Variants in SNTB1 observed in about 807,000 individuals in gnomAD.
SNTB1 encodes the protein beta-1-syntrophin.
In SNTB1, 36 loss-of-function variants were observed where a neutral mutation model predicts 48.9. The observed-to-expected ratio is 0.74, with a 90% CI of 0.56 to 0.97. SNTB1 has a LOEUF of 0.97. Among genes scored for constraint, SNTB1 ranks in the 50% least tolerant of loss-of-function variants. The pLI is 0.00. For synonymous variants in SNTB1, 299 were observed against 294.6 expected (o/e 1.01, Z -0.15); for missense variants, 786 against 703.4 (o/e 1.12, Z -1.33).
At chr8:120,730,154 A>C (rs1034157950) in intron 1 of SNTB1, among the ~76,000 whole-genome samples, 1 of 151,968 alleles carries the variant, frequency 6.6e-6, no homozygotes, top group Admixed American at 6.6e-5. Context: ...TTTATTTTTT[A>C]TTTTTATTAT....
intron 3 of SNTB1, 94 bp from the exon 4 acceptor site, chr8:120,575,319 C>A (rs1181578938): frequency 7.2e-7 from 1 of 1,396,916 alleles, no homozygotes. Context: ...CTCAGCAATA[C>A]ATTGAGTGTC....
intron 4 of SNTB1, among the ~76,000 whole-genome samples, chr8:120,561,319 C>CAAAAAAAA (rs1221884195): frequency 0.032 from 1,377 of 43,580 alleles, no homozygotes; most frequent in East Asian, 0.054. Flanking sequence ...AACTCCATCT[C>CAAAAAAAA]AAAAAAAAAA....
chr8:120,778,608 A>G (rs1412054006), intron 1 of SNTB1, among the ~76,000 whole-genome samples: 2 of 152,246 alleles, frequency 1.3e-5, no homozygotes, highest in Non-Finnish European at 2.9e-5. Flanking sequence ...TATGACTGAA[A>G]GAAATTAGTG....
Position 120,693,743 on chromosome 8 carries a change from AG to A in SNTB1, c.736del (p.Leu246SerfsTer31), listed in dbSNP as rs763358257. On this transcript the variant is annotated frameshift_variant, in exon 2 of 7. Coordinates refer to ENST00000517992, the MANE Select transcript of SNTB1 (RefSeq NM_021021.4). LOFTEE classifies it high-confidence loss of function. ...ACTCCGAGTGACGTAGCACATTTTG[AG>A]GGGGATGCTTTTCCGGTCTCTGTGG... ...SFHRDRKSIPLKMCYVTRSMA... is the reference protein window; with the variant it reads ...SFHRDRKSIPXKMCYVTRSMA... 1.7e-5 allele frequency: 27 copies of A among 1,613,472 alleles called. No homozygotes were observed. The highest frequency in any genetic ancestry group is 2.3e-5 in the Non-Finnish European group (27 of 1,179,898).
chr8:120,743,554 T>A (rs894340154), intron 1 of SNTB1, among the ~76,000 whole-genome samples: 2 of 152,288 alleles, frequency 1.3e-5, no homozygotes, highest in African/African-American at 4.8e-5. Context: ...CTAATGGAGT[T>A]TGATTTGCAG....
intron 2 of SNTB1, among the ~76,000 whole-genome samples, chr8:120,654,571 C>G (rs1817468556): frequency 6.6e-6 from 1 of 152,122 alleles, no homozygotes; most frequent in South Asian, 2.1e-4. Context: ...ACAGCCCATC[C>G]CAACCCCAAG....
intron 1 of SNTB1, among the ~76,000 whole-genome samples, chr8:120,702,368 T>C (rs1818321666): frequency 6.6e-6 from 1 of 152,236 alleles, no homozygotes; most frequent in East Asian, 1.9e-4. Context: ...TGACTTGTTC[T>C]GCACAGTTCA....
At chr8:120,711,384 A>G (rs994138640) in intron 1 of SNTB1, among the ~76,000 whole-genome samples, 3 of 152,174 alleles carry the variant, frequency 2.0e-5, no homozygotes, top group African/African-American at 7.2e-5. Context: ...AGTATACTCC[A>G]CATTTCAAGG....
intron 1 of SNTB1, among the ~76,000 whole-genome samples, chr8:120,722,385 C>T (rs1001075743): frequency 2.0e-5 from 3 of 152,196 alleles, no homozygotes; most frequent in African/African-American, 7.2e-5. Context: ...GTTCCTATTT[C>T]TCCACATCCT....
chr8:120,710,579 C>T (rs1239841153), intron 1 of SNTB1, among the ~76,000 whole-genome samples: 5 of 152,172 alleles, frequency 3.3e-5, no homozygotes, highest in African/African-American at 7.2e-5. Context: ...GATTAGGTCA[C>T]GAGGGTTCTG....
intron 1 of SNTB1, among the ~76,000 whole-genome samples, chr8:120,777,204 T>C (rs1016687238): frequency 3.3e-5 from 5 of 152,172 alleles, no homozygotes; most frequent in Non-Finnish European, 7.3e-5. Context: ...GTTAAACAAA[T>C]CCTTACACCA....
chr8:120,721,596 A>ATAAATATAC (rs1199875665), intron 1 of SNTB1, among the ~76,000 whole-genome samples: 38 of 152,226 alleles, frequency 2.5e-4, no homozygotes, highest in Non-Finnish European at 3.2e-4. Context: ...TGTACTTACA[A>ATAAATATAC]AATAAATTCA....
chr8:120,555,163 C>G (rs1403056309), intron 4 of SNTB1, among the ~76,000 whole-genome samples: 1 of 152,110 alleles, frequency 6.6e-6, no homozygotes, highest in Non-Finnish European at 1.5e-5. Flanking sequence ...CCAGGAATAT[C>G]CGGGGTTGTC....
intron 1 of SNTB1, among the ~76,000 whole-genome samples, chr8:120,756,699 A>G (rs1801908070): frequency 6.6e-6 from 1 of 152,112 alleles, no homozygotes. Context: ...CTAATAGCTG[A>G]CCTGGATGGA....
At chr8:120,546,196 G>T (rs1233931266) in intron 5 of SNTB1, among the ~76,000 whole-genome samples, 4 of 152,174 alleles carry the variant, frequency 2.6e-5, no homozygotes, top group Non-Finnish European at 5.9e-5. Context: ...TTTGTTGAGG[G>T]TACTAGCCAC....
chr8:120,643,902 G>C (rs1191849300), intron 2 of SNTB1, among the ~76,000 whole-genome samples: 1 of 152,070 alleles, frequency 6.6e-6, no homozygotes, highest in African/African-American at 2.4e-5. Flanking sequence ...CATGAGTTCT[G>C]GTTTATTCTT....
intron 1 of SNTB1, among the ~76,000 whole-genome samples, chr8:120,783,020 A>C (rs1819855612): frequency 6.6e-6 from 1 of 152,296 alleles, no homozygotes; most frequent in Admixed American, 6.5e-5. Context: ...TCTAATCAAT[A>C]GTTGGTCTAT....
intron 4 of SNTB1, chr8:120,570,769 G>A (rs989689615): frequency 3.2e-5 from 5 of 156,082 alleles, no homozygotes; most frequent in South Asian, 2.0e-4. Flanking sequence ...AGCAGTGCAC[G>A]AGCTCTGTGC....
At chr8:120,803,475 T>C (rs551615595) in intron 1 of SNTB1, among the ~76,000 whole-genome samples, 15 of 152,336 alleles carry the variant, frequency 9.8e-5, no homozygotes, top group African/African-American at 3.6e-4. Flanking sequence ...GGGGAACTTC[T>C]GGCTTTTAGA....
Sources: gnomAD v4.1 joint callset for allele counts (sites outside exome capture counted in the v4.1 genomes callset) on GRCh38, gnomAD v4.1.1 for gene constraint, MANE v1.5 for transcripts, NCBI Gene and HGNC (gene_info 2026-07-23, HGNC 2026-07-21) for gene names.